LRP1B: variants seen among roughly 807,000 people sequenced by gnomAD.
LRP1B encodes the protein low-density lipoprotein receptor-related protein 1B.
LRP1B carries 217 observed loss-of-function variants against 556.6 expected under a neutral mutation model. The observed-to-expected ratio is 0.39, with a 90% confidence interval of 0.35 to 0.44. LRP1B has a LOEUF of 0.44. Among genes scored for constraint, LRP1B ranks in the 20% least tolerant of loss-of-function variants. LRP1B has a pLI of 1.00. For missense variants in LRP1B, 5,053 were observed against 5,620.8 expected, an observed-to-expected ratio of 0.90 and a Z score of 3.23; for synonymous variants, 2,047 against 1,865.8, an observed-to-expected ratio of 1.10 and a Z score of -2.50.
In LRP1B at chr2:140,786,748, T is replaced by C. The variant is rs553516759; in HGVS notation, c.5360-10510A>G. Among the ~76,000 whole-genome samples, 4 of 152,296 alleles carry C rather than the reference T, an allele frequency of 2.6e-5. No homozygotes were observed. The South Asian group carries it at 8.3e-4, about 32-fold the overall frequency. ...CCTAAACTCTTTCCATTCATTGTTA[T>C]ATTGAGAGACTTGTGTCATGGAGAG... is the stretch of plus-strand genomic sequence containing the variant. On this transcript the variant is annotated intron_variant, in intron 32 of 90. Transcript: ENST00000389484.
At chr2:141,287,810 G>T (rs550215589) in intron 3 of LRP1B, among the ~76,000 whole-genome samples, 2 of 152,062 alleles carry the variant, frequency 1.3e-5, no homozygotes, top group Admixed American at 1.3e-4. Flanking sequence ...TGCAACTGTC[G>T]CATGTTTTTG....
chr2:141,881,794 C>G (rs1441485200), intron 1 of LRP1B, among the ~76,000 whole-genome samples: 1 of 151,938 alleles, frequency 6.6e-6, no homozygotes, highest in Non-Finnish European at 1.5e-5. Context: ...GGTGAATTAT[C>G]GAAGAGTCAA....
At chr2:141,363,231 C>A (rs1376176966) in intron 3 of LRP1B, among the ~76,000 whole-genome samples, 2 of 152,150 alleles carry the variant, frequency 1.3e-5, no homozygotes, top group African/African-American at 2.4e-5. Flanking sequence ...CTTCAAAACC[C>A]ATTCAAGTAT....
At chr2:140,325,439 T>C (rs906846482) in intron 80 of LRP1B, among the ~76,000 whole-genome samples, 1 of 152,140 alleles carries the variant, frequency 6.6e-6, no homozygotes, top group South Asian at 2.1e-4. Flanking sequence ...TAAAAGTTAG[T>C]GTCCACAGGT....
At chr2:141,170,527 A>T (rs548077076) in intron 7 of LRP1B, among the ~76,000 whole-genome samples, 1 of 152,238 alleles carries the variant, frequency 6.6e-6, no homozygotes, top group South Asian at 2.1e-4. Context: ...GTTTTGTATT[A>T]AAAATTGAGA....
chr2:141,595,661 T>C (rs1437794472), intron 2 of LRP1B, among the ~76,000 whole-genome samples: 1 of 152,082 alleles, frequency 6.6e-6, no homozygotes, highest in Admixed American at 6.6e-5. Context: ...ACTCACATCT[T>C]TCATCAATTT....
At chr2:141,822,606 G>T (rs1339475002) in intron 1 of LRP1B, among the ~76,000 whole-genome samples, 1 of 152,054 alleles carries the variant, frequency 6.6e-6, no homozygotes, top group Non-Finnish European at 1.5e-5. Flanking sequence ...GGGATGATGT[G>T]AAATCTCCTA....
At position 140,255,860 on chromosome 2, in the gene LRP1B, C is replaced by T. The variant is rs184699353; in HGVS notation, c.13248-8698G>A. Among the ~76,000 whole-genome samples, 56 of 152,276 alleles carry T rather than the reference C, an allele frequency of 3.7e-4. 1 individual carries two copies. Among genetic ancestry groups the T allele is most frequent in the Non-Finnish European group, 1.6e-4 (11 of 68,008 alleles). On this transcript the variant is annotated intron_variant, in intron 86 of 90. Transcript: ENST00000389484. Reference sequence around the variant, plus strand: ...TTAATCCACTATGGGAAACTTTTTACATATAAGACCAGAGAAAATAAGTTG... The same window carrying T: ...TTAATCCACTATGGGAAACTTTTTATATATAAGACCAGAGAAAATAAGTTG...
At chr2:140,838,575 A>G (rs1011966078) in intron 31 of LRP1B, among the ~76,000 whole-genome samples, 2 of 152,182 alleles carry the variant, frequency 1.3e-5, no homozygotes, top group African/African-American at 2.4e-5. Context: ...AAAATGTGCT[A>G]CTTCAAGTAG....
intron 2 of LRP1B, among the ~76,000 whole-genome samples, chr2:141,741,559 C>A (rs1693708047): frequency 6.6e-6 from 1 of 151,984 alleles, no homozygotes; most frequent in South Asian, 2.1e-4. Flanking sequence ...GTATTGAGCA[C>A]CTTTTCATAT....
At chr2:140,281,238 T>G in intron 84 of LRP1B, among the ~76,000 whole-genome samples, 1 of 151,950 alleles carries the variant, frequency 6.6e-6, no homozygotes, top group East Asian at 1.9e-4. Flanking sequence ...AATGCACAGG[T>G]TTACAAATAT....
chr2:141,596,327 A>G (rs1218404570), intron 2 of LRP1B, among the ~76,000 whole-genome samples: 1 of 152,068 alleles, frequency 6.6e-6, no homozygotes, highest in Non-Finnish European at 1.5e-5. Flanking sequence ...TGACAAAAAA[A>G]TCAGAACTTA....
chr2:140,639,171 C>A (rs573544019), intron 41 of LRP1B, among the ~76,000 whole-genome samples: 43 of 152,222 alleles, frequency 2.8e-4, no homozygotes, highest in African/African-American at 9.4e-4. Flanking sequence ...GAGTTTCTAG[C>A]AATATCAACG....
intron 7 of LRP1B, among the ~76,000 whole-genome samples, chr2:141,169,872 T>C (rs183079868): frequency 6.6e-6 from 1 of 151,952 alleles, no homozygotes; most frequent in East Asian, 1.9e-4. Flanking sequence ...TGATAGCTTA[T>C]TCATGAGGAT....
chr2:141,622,852 G>A (rs1345995338), intron 2 of LRP1B, among the ~76,000 whole-genome samples: 2 of 152,098 alleles, frequency 1.3e-5, no homozygotes, highest in Non-Finnish European at 2.9e-5. Context: ...TAATGTCTAG[G>A]ATGAACTGCA....
intron 2 of LRP1B, among the ~76,000 whole-genome samples, chr2:141,559,114 T>G (rs1686057301): frequency 6.6e-6 from 1 of 151,694 alleles, no homozygotes. Context: ...TAATTAAATA[T>G]TAATACTTGA....
chr2:141,289,094 G>A (rs1481807140), intron 3 of LRP1B, among the ~76,000 whole-genome samples: 3 of 150,770 alleles, frequency 2.0e-5, no homozygotes, highest in Non-Finnish European at 4.4e-5. Flanking sequence ...CTTAAAGAAT[G>A]CAAATGCGGC....
chr2:141,679,237 C>A (rs1014691715), intron 2 of LRP1B, among the ~76,000 whole-genome samples: 1 of 152,202 alleles, frequency 6.6e-6, no homozygotes, highest in East Asian at 1.9e-4. Context: ...AAGAGCCTAG[C>A]CCCAGCTAAC....
At chr2:141,461,723 A>G (rs955014392) in intron 3 of LRP1B, among the ~76,000 whole-genome samples, 3 of 152,220 alleles carry the variant, frequency 2.0e-5, no homozygotes, top group Non-Finnish European at 4.4e-5. Context: ...TCTGAAGAAA[A>G]TAAGTCTCTG....
Sources: allele counts gnomAD v4.1 joint callset (sites outside exome capture counted in the v4.1 genomes callset), GRCh38; gene constraint gnomAD v4.1.1; transcripts MANE v1.5; gene names NCBI Gene and HGNC (gene_info 2026-07-23, HGNC 2026-07-21).